CSTPP1: variants seen among roughly 807,000 people sequenced by gnomAD.
The protein encoded by CSTPP1 is centriolar satellite-associated tubulin polyglutamylase complex regulator 1.
At chr11:47,047,199 C>T in the CSTPP1 span, among the ~76,000 whole-genome samples, 4 of 152,118 alleles carry the variant, frequency 2.6e-5, no homozygotes, top group Non-Finnish European at 5.9e-5. Flanking sequence ...CCGCACCTGG[C>T]GATTCAACAA....
the CSTPP1 span, among the ~76,000 whole-genome samples, chr11:47,151,830 C>T: frequency 1.3e-5 from 2 of 151,970 alleles, no homozygotes; most frequent in Non-Finnish European, 2.9e-5. Flanking sequence ...CTTCACTCGC[C>T]CCCTACTCCC....
At chr11:47,069,855 CGGCATGTGCCA>C in the CSTPP1 span, among the ~76,000 whole-genome samples, 1 of 151,964 alleles carries the variant, frequency 6.6e-6, no homozygotes, top group Admixed American at 6.6e-5. Flanking sequence ...CTGGGATTAC[CGGCATGTGCCA>C]CCATGCCCAG....
chr11:47,087,648 G>A, the CSTPP1 span, among the ~76,000 whole-genome samples: 5 of 152,052 alleles, frequency 3.3e-5, no homozygotes, highest in South Asian at 2.1e-4. Flanking sequence ...GCAGTGAGCC[G>A]AGATCGCACC....
chr11:47,016,668 C>A, the CSTPP1 span, among the ~76,000 whole-genome samples: 27 of 151,994 alleles, frequency 1.8e-4, no homozygotes, highest in Non-Finnish European at 2.2e-4. Context: ...CAAAGTATAT[C>A]AGTTGTGGAC....
chr11:47,013,221 A>T, the CSTPP1 span, among the ~76,000 whole-genome samples: 552 of 149,266 alleles, frequency 3.7e-3, 2 homozygotes, highest in African/African-American at 7.1e-3. Flanking sequence ...TTATATATAT[A>T]TATTTATTTA....
the CSTPP1 span, chr11:47,155,071 C>G: frequency 1.1e-6 from 1 of 926,140 alleles, no homozygotes; most frequent in Non-Finnish European, 1.8e-6. Flanking sequence ...ACAGCTCTCT[C>G]TCTCCCTCTC....
chr11:47,098,852 C>T, the CSTPP1 span, among the ~76,000 whole-genome samples: 1 of 152,288 alleles, frequency 6.6e-6, no homozygotes, highest in African/African-American at 2.4e-5. Context: ...TCTGATCCAT[C>T]AGTAATATAG....
chr11:46,970,749 A>G, the CSTPP1 span, among the ~76,000 whole-genome samples: 1 of 152,270 alleles, frequency 6.6e-6, no homozygotes, highest in African/African-American at 2.4e-5. Flanking sequence ...TATGATATGT[A>G]CAGAAAATAA....
chr11:47,093,358 A>G, the CSTPP1 span, among the ~76,000 whole-genome samples: 7 of 152,206 alleles, frequency 4.6e-5, no homozygotes, highest in Non-Finnish European at 7.4e-5. Context: ...TTAATACAAT[A>G]AGAACAGAGG....
the CSTPP1 span, chr11:46,991,600 C>G: frequency 1.3e-5 from 2 of 152,132 alleles, no homozygotes; most frequent in African/African-American, 2.4e-5. Flanking sequence ...TTAATCTGTA[C>G]CAGCACTCTT....
the CSTPP1 span, among the ~76,000 whole-genome samples, chr11:46,952,433 C>T: frequency 3.3e-5 from 5 of 152,176 alleles, no homozygotes; most frequent in African/African-American, 1.2e-4. Flanking sequence ...AATGGACAGT[C>T]GTGTGCAAGA....
chr11:47,101,742 T>C, the CSTPP1 span, among the ~76,000 whole-genome samples: 1 of 152,176 alleles, frequency 6.6e-6, no homozygotes, highest in Non-Finnish European at 1.5e-5. Flanking sequence ...ATTAGCACCT[T>C]CCTTTGCTTT....
chr11:47,144,800 T>A, the CSTPP1 span, among the ~76,000 whole-genome samples: 6,616 of 152,054 alleles, frequency 0.044, 486 homozygotes, highest in African/African-American at 0.15. Context: ...GTTCTCAAAC[T>A]TGAGCATGCA....
the CSTPP1 span, among the ~76,000 whole-genome samples, chr11:47,029,479 G>A: frequency 2.6e-5 from 4 of 151,334 alleles, no homozygotes; most frequent in Non-Finnish European, 5.9e-5. Context: ...CATGGTGGTG[G>A]GCACCTGTAG....
chr11:46,947,724 T>C, the CSTPP1 span, among the ~76,000 whole-genome samples: 1 of 152,220 alleles, frequency 6.6e-6, no homozygotes, highest in Non-Finnish European at 1.5e-5. Context: ...TCGTTAATAC[T>C]ATTATCTAGC....
the CSTPP1 span, among the ~76,000 whole-genome samples, chr11:47,006,203 T>A: frequency 6.6e-6 from 1 of 152,212 alleles, no homozygotes; most frequent in African/African-American, 2.4e-5. Context: ...TATTAACTAA[T>A]CTATACGTCT....
the CSTPP1 span, among the ~76,000 whole-genome samples, chr11:47,003,869 T>C: frequency 6.6e-6 from 1 of 152,334 alleles, no homozygotes; most frequent in Admixed American, 6.5e-5. Flanking sequence ...TCTTTGTTGA[T>C]GTCATTGTAT....
chr11:47,109,936 C>T, the CSTPP1 span, among the ~76,000 whole-genome samples: 1 of 152,114 alleles, frequency 6.6e-6, no homozygotes, highest in Non-Finnish European at 1.5e-5. Flanking sequence ...GTTGCTGATT[C>T]CCATCTCCCG....
the CSTPP1 span, among the ~76,000 whole-genome samples, chr11:46,960,852 C>CA: frequency 1.5e-5 from 2 of 136,018 alleles, no homozygotes; most frequent in Non-Finnish European, 1.5e-5. Flanking sequence ...AACTCTGTCT[C>CA]AAAAAAAAGA....
Sources: gnomAD v4.1 joint callset for allele counts (sites outside exome capture counted in the v4.1 genomes callset) on GRCh38, gnomAD v4.1.1 for gene constraint, MANE v1.5 for transcripts, NCBI Gene and HGNC (gene_info 2026-07-23, HGNC 2026-07-21) for gene names.